CHODL: variants seen among roughly 807,000 people sequenced by gnomAD.
CHODL encodes chondrolectin.
A neutral mutation model predicts 34.5 loss-of-function variants in CHODL; 29 were observed. The observed-to-expected ratio is 0.84, with a 90% confidence interval of 0.63 to 1.15. The LOEUF is 1.15. CHODL is among the 50% of genes most tolerant of loss of function. The pLI is 0.00. For synonymous variants in CHODL, 125 were observed against 116.1 expected, an observed-to-expected ratio of 1.08 and a Z score of -0.49; for missense variants, 332 against 332.5, an observed-to-expected ratio of 1.00 and a Z score of 0.01.
intron 2 of CHODL, among the ~76,000 whole-genome samples, chr21:18,051,194 C>A (rs899922008): frequency 6.6e-6 from 1 of 151,796 alleles, no homozygotes; most frequent in African/African-American, 2.4e-5. Context: ...GTTTTCTGTT[C>A]CTGTGTTAGT....
chr21:18,188,785 CA>C (rs1418955727), intron 2 of CHODL, among the ~76,000 whole-genome samples: 1 of 152,164 alleles, frequency 6.6e-6, no homozygotes, highest in Non-Finnish European at 1.5e-5. Flanking sequence ...AAGAAAATGA[CA>C]TTTGTTTAGG....
At chr21:17,927,132 ATG>A (rs999527903) in intron 1 of CHODL, among the ~76,000 whole-genome samples, 5 of 108,112 alleles carry the variant, frequency 4.6e-5, no homozygotes, top group Admixed American at 8.8e-5. Context: ...ATGTATATAT[ATG>A]TATATATGTA....
chr21:18,122,400 AT>A (rs1322362567), intron 2 of CHODL, among the ~76,000 whole-genome samples: 1 of 152,192 alleles, frequency 6.6e-6, no homozygotes, highest in Non-Finnish European at 1.5e-5. Flanking sequence ...AGGATAATTA[AT>A]TTGAGCAGTG....
At chr21:18,178,528 A>G (rs1038714229) in intron 2 of CHODL, among the ~76,000 whole-genome samples, 1 of 152,228 alleles carries the variant, frequency 6.6e-6, no homozygotes, top group African/African-American at 2.4e-5. Flanking sequence ...AACCTTAGTG[A>G]TAACATAAAC....
At chr21:18,058,381 T>G (rs2064610833) in intron 2 of CHODL, among the ~76,000 whole-genome samples, 1 of 152,146 alleles carries the variant, frequency 6.6e-6, no homozygotes, top group Non-Finnish European at 1.5e-5. Context: ...AATCAGTGTA[T>G]CAAAGAGATA....
intron 2 of CHODL, among the ~76,000 whole-genome samples, chr21:18,215,361 A>G (rs1283068190): frequency 1.3e-5 from 2 of 152,146 alleles, no homozygotes; most frequent in African/African-American, 4.8e-5. Flanking sequence ...AGCAGGAGCA[A>G]TCAGGTTTGC....
chr21:18,128,841 AAT>A (rs1200926961), intron 2 of CHODL, among the ~76,000 whole-genome samples: 1 of 152,134 alleles, frequency 6.6e-6, no homozygotes, highest in African/African-American at 2.4e-5. Flanking sequence ...TTGTAAAATT[AAT>A]AGTTTCATGT....
chr21:18,070,450 G>GA (rs931092021), intron 2 of CHODL, among the ~76,000 whole-genome samples: 2,118 of 146,852 alleles, frequency 0.014, 43 homozygotes, highest in African/African-American at 0.047. Flanking sequence ...TATAGCTAGG[G>GA]AAAAAAAAAA....
intron 1 of CHODL, among the ~76,000 whole-genome samples, chr21:18,010,297 CAAAA>C (rs71189576): frequency 0.025 from 959 of 38,648 alleles, 8 homozygotes; most frequent in African/African-American, 0.091. Context: ...ACTCCCGTCT[CAAAA>C]AAAAAAAAAA....
intron 1 of CHODL, among the ~76,000 whole-genome samples, chr21:18,256,096 G>A (rs991573052): frequency 2.6e-5 from 4 of 151,924 alleles, no homozygotes; most frequent in African/African-American, 9.7e-5. Context: ...ACATAAAATT[G>A]TTTCATTATA....
intron 1 of CHODL, among the ~76,000 whole-genome samples, chr21:18,007,931 A>C (rs2063975816): frequency 6.6e-6 from 1 of 152,174 alleles, no homozygotes; most frequent in African/African-American, 2.4e-5. Flanking sequence ...GAGAAAACAG[A>C]GGGATATTTT....
intron 2 of CHODL, among the ~76,000 whole-genome samples, chr21:18,132,083 C>T (rs925549053): frequency 1.3e-5 from 2 of 151,746 alleles, no homozygotes; most frequent in East Asian, 3.9e-4. Flanking sequence ...TGTCAAAGTT[C>T]TTTTTTTATT....
rs201715139 is a variant in CHODL, at chr21:18,003,140, A to C, written c.-144-24732A>C. Among the ~76,000 whole-genome samples, 516 of 83,034 alleles carry C rather than the reference A, an allele frequency of 6.2e-3. 3 individuals carry two copies. The highest frequency in any genetic ancestry group is 0.028 in the South Asian group (86 of 3,074). 54.5% of individuals were successfully genotyped at this position (83,034 alleles called of 152,430 possible). ...CCGTCTCAAAAAAAAAAAAAACAAA[A>C]AAAAAACCCAAGAGCCCTGGAGGCG... On this transcript the variant is annotated intron_variant, in intron 1 of 6. Transcript: ENST00000400127.
At chr21:17,928,019 C>G (rs956766068) in intron 1 of CHODL, among the ~76,000 whole-genome samples, 3 of 152,052 alleles carry the variant, frequency 2.0e-5, no homozygotes, top group Non-Finnish European at 4.4e-5. Context: ...ATTCTTTGTT[C>G]CATTATATTG....
At chr21:18,007,319 T>C (rs1445885822) in intron 1 of CHODL, among the ~76,000 whole-genome samples, 1 of 152,224 alleles carries the variant, frequency 6.6e-6, no homozygotes. Context: ...TGTGCATCTG[T>C]TATGAAAAAT....
Position 18,266,974 on chromosome 21 carries a change from CG to C in CHODL, c.*940del, listed in dbSNP as rs1568967585. 1 of 152,152 alleles carries C rather than the reference CG, an allele frequency of 6.6e-6. No individual in the cohort carries two copies. The highest frequency in any genetic ancestry group is 1.5e-5 in the Non-Finnish European group (1 of 68,044). 9.4% of individuals were successfully genotyped at this position (152,152 alleles called of 1,614,324 possible). ...TGCCCACTAAACAAAGATGGTTGTTCGGGGTTTGGGATTGACACTGGAGGCA... is the reference window on the plus strand; with the variant it reads ...TGCCCACTAAACAAAGATGGTTGTTCGGGTTTGGGATTGACACTGGAGGCA... On this transcript the variant is annotated 3_prime_UTR_variant, in exon 6 of 6. Coordinates refer to ENST00000299295, the MANE Select transcript of CHODL (RefSeq NM_024944.3).
intron 2 of CHODL, among the ~76,000 whole-genome samples, chr21:18,044,645 A>G (rs2064419241): frequency 6.6e-6 from 1 of 151,960 alleles, no homozygotes; most frequent in Admixed American, 6.6e-5. Flanking sequence ...AGGAAAAAGA[A>G]ATACCTTTTT....
chr21:17,991,658 A>ATT lies in CHODL; in HGVS notation c.-144-36197_-144-36196dup, dbSNP rs35600353. Among the ~76,000 whole-genome samples, 79 of 128,388 alleles carry ATT rather than the reference A, an allele frequency of 6.2e-4. No homozygotes were observed. In the East Asian group the frequency reaches 0.018, roughly 29 times the overall value. The allele number at this position is 128,388 out of a possible 152,430, so 84.2% of individuals were successfully genotyped here. ...GCTCACTTTTAAATGAGATTATTTGATTTTTTTTTTTTTTTTTTGGTGTGG... is the reference window on the plus strand; with the variant it reads ...GCTCACTTTTAAATGAGATTATTTGATTTTTTTTTTTTTTTTTTTTGGTGTGG... On this transcript the variant is annotated intron_variant, in intron 1 of 6. Transcript: ENST00000400127.
chr21:18,155,555 C>T (rs538319099), intron 2 of CHODL, among the ~76,000 whole-genome samples: 2 of 152,350 alleles, frequency 1.3e-5, no homozygotes, highest in African/African-American at 4.8e-5. Flanking sequence ...CTCAACACAT[C>T]TTCCAAGAAG....
Sources: allele counts gnomAD v4.1 joint callset (sites outside exome capture counted in the v4.1 genomes callset), GRCh38; gene constraint gnomAD v4.1.1; transcripts MANE v1.5; gene names NCBI Gene and HGNC (gene_info 2026-07-23, HGNC 2026-07-21).